Variants in SOS1 observed in about 807,000 individuals in gnomAD.
SOS1 encodes SOS Ras/Rac guanine nucleotide exchange factor 1.
A neutral mutation model predicts 157.6 loss-of-function variants in SOS1; 25 were observed. The ratio of observed to expected loss-of-function variants is 0.16; its 90% CI spans 0.12 to 0.22. The LOEUF is 0.22. SOS1 is among the 10% of genes least tolerant of loss of function. The pLI, the probability that SOS1 is intolerant of heterozygous loss-of-function variation, is 1.00. For missense variants in SOS1, 1,237 were observed against 1,599.1 expected, an observed-to-expected ratio of 0.77 and a Z score of 3.86; for synonymous variants, 528 against 534.0, an observed-to-expected ratio of 0.99 and a Z score of 0.16.
chr2:38,986,263 G>C lies in SOS1; in HGVS notation c.3563C>G (p.Thr1188Arg). The change falls in exon 23 of 23, where the codon ACA becomes AGA. Residue 1188 changes from threonine to arginine, a missense_variant. Thr to Arg is a moderately conservative substitution (Grantham distance 71). Around this residue, in one of 15 missense-constraint regions of SOS1, gnomAD observed 306 missense variants for 322.6 expected, o/e 0.95. Transcript: ENST00000402219. ...SPPAIPPRQP[T>R]SKAYSPRYSI... Reference sequence around the variant, plus strand: ...ATATCGTGGTGAATAGGCTTTTGATGTGGGTTGCCTAGGAGGAATGGCTGG... The same window carrying C: ...ATATCGTGGTGAATAGGCTTTTGATCTGGGTTGCCTAGGAGGAATGGCTGG... The C allele has an allele frequency of 6.2e-7, 1 of 1,613,720 alleles. No individual in the cohort carries two copies. Among genetic ancestry groups the C allele is most frequent in the Non-Finnish European group, 8.5e-7 (1 of 1,179,806 alleles).
chr2:39,003,066 C>CAAACAAAAAACA (rs1553352637), intron 17 of SOS1, among the ~76,000 whole-genome samples: 3 of 72,308 alleles, frequency 4.1e-5, no homozygotes, highest in Non-Finnish European at 6.6e-5. Flanking sequence ...GACCTTGTAT[C>CAAACAAAAAACA]AAAAAAAAAA....
At chr2:39,081,971 T>A (rs1291699399) in intron 1 of SOS1, among the ~76,000 whole-genome samples, 3 of 152,236 alleles carry the variant, frequency 2.0e-5, no homozygotes, top group Non-Finnish European at 4.4e-5. Flanking sequence ...ATAAGATACT[T>A]GATACAGATA....
chr2:39,037,483 A>G (rs1670399145), intron 6 of SOS1, among the ~76,000 whole-genome samples: 1 of 152,198 alleles, frequency 6.6e-6, no homozygotes, highest in Non-Finnish European at 1.5e-5. Flanking sequence ...AGTTTTCTCT[A>G]ATCCATTCTC....
Position 39,014,890 on chromosome 2 carries a change from A to C in SOS1, c.1859-44T>G, listed in dbSNP as rs531420597. On this transcript the variant is annotated intron_variant, in intron 10 of 22. Coordinates refer to ENST00000402219, the MANE Select transcript of SOS1 (RefSeq NM_005633.4). ...AATATCTTATTAAACTCTATGATTC[A>C]AAATGATTAAAACTGTTATGTACAT... is the stretch of plus-strand genomic sequence containing the variant. 38 of 1,007,312 alleles carry C rather than the reference A, an allele frequency of 3.8e-5. No individual in the cohort carries two copies. In the South Asian group the frequency reaches 4.8e-4, roughly 13 times the overall value. The allele number at this position is 1,007,312 out of a possible 1,614,324, so 62.4% of individuals were successfully genotyped here. A position where few individuals can be genotyped will look rare whatever the true frequency, so the allele number is the denominator to read the frequency against.
intron 1 of SOS1, among the ~76,000 whole-genome samples, chr2:39,116,780 G>A (rs1673665760): frequency 6.6e-6 from 1 of 152,188 alleles, no homozygotes; most frequent in Admixed American, 6.5e-5. Flanking sequence ...AAGCCCAGGA[G>A]GTGGAGGCTG....
chr2:39,001,658 A>G (rs1271466030), intron 17 of SOS1, among the ~76,000 whole-genome samples: 2 of 152,224 alleles, frequency 1.3e-5, no homozygotes, highest in African/African-American at 4.8e-5. Context: ...ACTACCATAT[A>G]GACAGGATGG....
chr2:39,008,037 A>G (rs1044844147), intron 15 of SOS1, among the ~76,000 whole-genome samples: 3 of 152,178 alleles, frequency 2.0e-5, no homozygotes, highest in Non-Finnish European at 4.4e-5. Context: ...TCCTGCAGTC[A>G]AGAACACCTA....
At chr2:39,119,010 CG>C (rs1446138346) in intron 1 of SOS1, among the ~76,000 whole-genome samples, 11 of 152,160 alleles carry the variant, frequency 7.2e-5, no homozygotes, top group African/African-American at 2.7e-4. Context: ...TTCCTTTACA[CG>C]TTTTTAAACA....
chr2:39,103,716 C>T (rs1673059884), intron 1 of SOS1, among the ~76,000 whole-genome samples: 1 of 152,168 alleles, frequency 6.6e-6, no homozygotes, highest in African/African-American at 2.4e-5. Flanking sequence ...GGCAAATCCT[C>T]ATGACCTTGG....
intron 17 of SOS1, among the ~76,000 whole-genome samples, chr2:39,003,066 C>CA (rs57338404): frequency 8.4e-4 from 61 of 72,302 alleles, no homozygotes; most frequent in South Asian, 3.8e-3. Flanking sequence ...GACCTTGTAT[C>CA]AAAAAAAAAA....
At chr2:39,009,497 T>C (rs1669391926) in intron 15 of SOS1, among the ~76,000 whole-genome samples, 1 of 152,218 alleles carries the variant, frequency 6.6e-6, no homozygotes, top group African/African-American at 2.4e-5. Context: ...TGCGTATTTT[T>C]TTCTCATTTC....
At position 39,013,500 on chromosome 2, in the gene SOS1, A is replaced by G. The variant is rs1340535048; in HGVS notation, c.2127T>C (p.Tyr709=). 3 of 1,612,846 alleles carry G rather than the reference A, an allele frequency of 1.9e-6. No individual in the cohort carries two copies. Among genetic ancestry groups the G allele is most frequent in the East Asian group, 4.5e-5 (2 of 44,826 alleles). ...HHFYDFERDA[Y]LLQRMEEFIG... ...TAAATTCTTCCATTCGTTGCAAAAG[A>G]TATGCATCTCTTTCAAAATCATAGA... The change falls in exon 13 of 23, where the codon TAT becomes TAC. Residue 709 remains tyrosine, a synonymous_variant. Transcript: ENST00000402219.
Position 38,985,678 on chromosome 2 carries a change from A to C in SOS1, c.*146T>G. 1 of 955,020 alleles carries C rather than the reference A, an allele frequency of 1.0e-6. No homozygotes were observed. The highest frequency in any genetic ancestry group is 1.7e-6 in the Non-Finnish European group (1 of 598,024). 59.2% of individuals were successfully genotyped at this position (955,020 alleles called of 1,614,324 possible). On this transcript the variant is annotated 3_prime_UTR_variant, in exon 23 of 23. Transcript: ENST00000402219. Reference sequence around the variant, plus strand: ...CATTGTATAATTACATCTAGGTTAAAATTCATTGTCTTATACTGCATCTTG... The same window carrying C: ...CATTGTATAATTACATCTAGGTTAACATTCATTGTCTTATACTGCATCTTG...
chr2:39,061,034 A>T (rs1052419723), intron 2 of SOS1, among the ~76,000 whole-genome samples: 1 of 152,054 alleles, frequency 6.6e-6, no homozygotes, highest in African/African-American at 2.4e-5. Flanking sequence ...CCCTGTCCAT[A>T]TCAATTATGT....
At chr2:39,037,393 T>G (rs1184418638) in intron 6 of SOS1, among the ~76,000 whole-genome samples, 2 of 152,230 alleles carry the variant, frequency 1.3e-5, no homozygotes, top group Non-Finnish European at 2.9e-5. Context: ...TCAAAAATTT[T>G]TCAAGATTCA....
intron 8 of SOS1, among the ~76,000 whole-genome samples, chr2:39,033,048 G>A (rs927053475): frequency 6.6e-6 from 1 of 151,798 alleles, no homozygotes; most frequent in Non-Finnish European, 1.5e-5. Flanking sequence ...GGCATATCCA[G>A]GGCTGCTAGG....
At position 39,120,541 on chromosome 2, in the gene SOS1, C is replaced by A; in HGVS notation, c.-119G>T. ...GCGGCCCCACCGGACGGCCCGGCCC[C>A]CTCCGGGCGCCGCGCAGCCGGGCTA... On this transcript the variant is annotated 5_prime_UTR_variant, in exon 1 of 23. Coordinates refer to ENST00000402219, the MANE Select transcript of SOS1 (RefSeq NM_005633.4). The A allele has an allele frequency of 1.9e-6, 2 of 1,076,378 alleles. No individual in the cohort carries two copies. Among genetic ancestry groups the A allele is most frequent in the Non-Finnish European group, 2.3e-6 (2 of 888,250 alleles). 66.7% of individuals were successfully genotyped at this position (1,076,378 alleles called of 1,614,324 possible). A position where few individuals can be genotyped will look rare whatever the true frequency, so the allele number is the denominator to read the frequency against.
chr2:39,054,131 G>A (rs1219485519), intron 5 of SOS1, among the ~76,000 whole-genome samples: 2 of 152,140 alleles, frequency 1.3e-5, no homozygotes, highest in East Asian at 3.9e-4. Flanking sequence ...GTTTCACCGT[G>A]TTAGCCAGGA....
intron 1 of SOS1, among the ~76,000 whole-genome samples, chr2:39,109,044 C>T (rs925356354): frequency 1.3e-5 from 2 of 151,898 alleles, no homozygotes; most frequent in African/African-American, 4.8e-5. Context: ...ACCAAAAATA[C>T]AAAAATTAGC....
Sources: gnomAD v4.1 joint callset for allele counts (sites outside exome capture counted in the v4.1 genomes callset) on GRCh38, gnomAD v4.1.1 for gene constraint, gnomAD v4.1.1 regional missense constraint, MANE v1.5 for transcripts, NCBI Gene and HGNC (gene_info 2026-07-23, HGNC 2026-07-21) for gene names.